Variants in DPP10 observed in about 807,000 individuals in gnomAD.
DPP10 encodes the protein dipeptidyl peptidase like 10.
A neutral mutation model predicts 120.9 loss-of-function variants in DPP10; 33 were observed. The observed-to-expected ratio is 0.27, with a 90% CI of 0.21 to 0.37. The LOEUF (loss-of-function observed/expected upper bound fraction) is 0.37, where lower values mean the gene tolerates loss of function less well. Ranked by LOEUF, DPP10 falls within the 10% of genes least tolerant of loss-of-function variation. DPP10 has a pLI of 1.00. For missense variants in DPP10, 816 were observed against 942.8 expected (o/e 0.87, Z 1.76); for synonymous variants, 337 against 326.1 (o/e 1.03, Z -0.36).
At chr2:115,380,729 C>T (rs190315762) in intron 3 of DPP10, among the ~76,000 whole-genome samples, 16 of 152,096 alleles carry the variant, frequency 1.1e-4, no homozygotes, top group Admixed American at 6.5e-5. Context: ...CCTTCAGGAG[C>T]TCTTTTAGGG....
chr2:115,654,173 T>A (rs192585986), intron 5 of DPP10, among the ~76,000 whole-genome samples: 1 of 151,892 alleles, frequency 6.6e-6, no homozygotes, highest in African/African-American at 2.4e-5. Context: ...CCCTGCAGTG[T>A]TAGCTTCATC....
At chr2:115,676,127 T>G (rs1409725825) in intron 5 of DPP10, among the ~76,000 whole-genome samples, 1 of 152,148 alleles carries the variant, frequency 6.6e-6, no homozygotes, top group Non-Finnish European at 1.5e-5. Flanking sequence ...TTACATTTAC[T>G]CCAGCAGCAG....
At chr2:115,552,078 C>T (rs78048513) in intron 5 of DPP10, among the ~76,000 whole-genome samples, 341 of 152,112 alleles carry the variant, frequency 2.2e-3, no homozygotes, top group African/African-American at 7.8e-3. Context: ...TTGAATTAAA[C>T]GGCAAAGGGT....
rs539621633 is a variant in DPP10, at chr2:114,916,843, G to C, written c.61-392396G>C. Among the ~76,000 whole-genome samples, 6 of 152,236 alleles carry C rather than the reference G, an allele frequency of 3.9e-5. No homozygotes were observed. In the South Asian group the frequency reaches 1.0e-3, roughly 26 times the overall value. Reference sequence around the variant, plus strand: ...CCTCAAAATAATAAAAGTCATCTATGACACCCACAGCTAAAACCATACTGA... The same window carrying C: ...CCTCAAAATAATAAAAGTCATCTATCACACCCACAGCTAAAACCATACTGA... On this transcript the variant is annotated intron_variant, in intron 1 of 25. Coordinates refer to ENST00000410059, the MANE Select transcript of DPP10 (RefSeq NM_020868.6).
chr2:115,025,821 AT>A (rs1703419956), intron 1 of DPP10, among the ~76,000 whole-genome samples: 1 of 151,208 alleles, frequency 6.6e-6, no homozygotes, highest in South Asian at 2.1e-4. Flanking sequence ...AATGTTTTAG[AT>A]TTTTTGCCCA....
At chr2:115,268,350 T>A (rs761708565) in intron 1 of DPP10, among the ~76,000 whole-genome samples, 1 of 152,164 alleles carries the variant, frequency 6.6e-6, no homozygotes, top group African/African-American at 2.4e-5. Flanking sequence ...AAAACCAAGA[T>A]AAAAACTCAG....
chr2:115,039,658 T>G (rs1202775469), intron 1 of DPP10, among the ~76,000 whole-genome samples: 2 of 152,220 alleles, frequency 1.3e-5, no homozygotes, highest in African/African-American at 4.8e-5. Flanking sequence ...TTTATAAGCA[T>G]GAATGATTTT....
At position 114,834,895 on chromosome 2, in the gene DPP10, T is replaced by A. The variant is rs889145916; in HGVS notation, c.60+392057T>A. 9.0e-4 allele frequency among the ~76,000 whole-genome samples: 123 copies of A among 136,486 alleles called. 7 individuals are homozygous for A. Among genetic ancestry groups the A allele is most frequent in the African/African-American group, 3.3e-3 (90 of 27,538 alleles). The allele number at this position is 136,486 out of a possible 152,430, so 89.5% of individuals were successfully genotyped here. On this transcript the variant is annotated intron_variant, in intron 1 of 25. Coordinates refer to ENST00000410059, the MANE Select transcript of DPP10 (RefSeq NM_020868.6). ...ACATATCTACACAACTATGTATATA[T>A]AAGCCATATCTACACACCTATGTAT...
chr2:115,726,864 C>A (rs1252560481), intron 7 of DPP10, among the ~76,000 whole-genome samples: 1 of 152,004 alleles, frequency 6.6e-6, no homozygotes, highest in African/African-American at 2.4e-5. Context: ...TAATTCTATA[C>A]CATGCTAGGA....
chr2:115,576,152 A>G (rs748974336), intron 5 of DPP10, among the ~76,000 whole-genome samples: 9 of 152,238 alleles, frequency 5.9e-5, no homozygotes, highest in Non-Finnish European at 8.8e-5. Flanking sequence ...TTGTTACTGC[A>G]GCATGGAAAA....
At chr2:115,709,909 C>A (rs1467417534) in intron 7 of DPP10, among the ~76,000 whole-genome samples, 1 of 152,036 alleles carries the variant, frequency 6.6e-6, no homozygotes, top group East Asian at 1.9e-4. Flanking sequence ...ATAAAAAACA[C>A]AAATTTACAT....
At chr2:114,685,301 A>G (rs1357007833) in intron 1 of DPP10, among the ~76,000 whole-genome samples, 1 of 151,664 alleles carries the variant, frequency 6.6e-6, no homozygotes, top group Non-Finnish European at 1.5e-5. Flanking sequence ...TGAATGTGTT[A>G]AGCTGTACCC....
intron 2 of DPP10, among the ~76,000 whole-genome samples, chr2:115,338,901 T>C (rs1315435113): frequency 1.3e-5 from 2 of 152,124 alleles, no homozygotes. Flanking sequence ...GGTGAAACAT[T>C]GTTAGACTTG....
At chr2:114,519,758 A>G (rs1387767137) in intron 1 of DPP10, among the ~76,000 whole-genome samples, 1 of 152,238 alleles carries the variant, frequency 6.6e-6, no homozygotes, top group Non-Finnish European at 1.5e-5. Context: ...CCATCCACAT[A>G]GCTGCATTGC....
intron 1 of DPP10, among the ~76,000 whole-genome samples, chr2:114,883,794 C>A (rs561475777): frequency 2.4e-4 from 36 of 152,292 alleles, no homozygotes; most frequent in African/African-American, 8.4e-4. Context: ...ACAGGTCTGG[C>A]ATTCAGGTGG....
intron 1 of DPP10, among the ~76,000 whole-genome samples, chr2:115,266,288 TGA>T (rs2059458988): frequency 6.6e-6 from 1 of 152,186 alleles, no homozygotes; most frequent in African/African-American, 2.4e-5. Context: ...AGATTTTCTT[TGA>T]GTTTCTGATA....
chr2:115,053,478 G>T (rs1234524693), intron 1 of DPP10, among the ~76,000 whole-genome samples: 1 of 152,118 alleles, frequency 6.6e-6, no homozygotes, highest in Non-Finnish European at 1.5e-5. Flanking sequence ...GAGAGGAATT[G>T]GTAGTGACGG....
chr2:115,429,138 TAATA>T (rs750892732), intron 3 of DPP10, among the ~76,000 whole-genome samples: 22 of 152,124 alleles, frequency 1.4e-4, no homozygotes, highest in Admixed American at 6.5e-4. Context: ...AATAAAATTT[TAATA>T]AATAAAGGAG....
chr2:114,533,844 C>A (rs1329413478), intron 1 of DPP10, among the ~76,000 whole-genome samples: 2 of 152,104 alleles, frequency 1.3e-5, no homozygotes, highest in Non-Finnish European at 2.9e-5. Context: ...AATTCCTTAT[C>A]CCCTCATTTG....
Sources: allele counts gnomAD v4.1 joint callset (sites outside exome capture counted in the v4.1 genomes callset), GRCh38; gene constraint gnomAD v4.1.1; transcripts MANE v1.5; gene names NCBI Gene and HGNC (gene_info 2026-07-23, HGNC 2026-07-21).